Variants in ABCG1 observed in about 807,000 individuals in gnomAD.
ABCG1 encodes ATP-binding cassette sub-family G member 1.
In ABCG1, 29 loss-of-function variants were observed where a neutral mutation model predicts 69.2. The observed-to-expected ratio is 0.42, with a 90% CI of 0.31 to 0.57. ABCG1 has a LOEUF of 0.57. Ranked by LOEUF, ABCG1 falls within the 20% of genes least tolerant of loss-of-function variation. The pLI, the probability that ABCG1 is intolerant of heterozygous loss-of-function variation, is 0.15. For missense variants in ABCG1, 718 were observed against 898.1 expected (o/e 0.80, Z 2.56); for synonymous variants, 370 against 374.8 (o/e 0.99, Z 0.15).
chr21:42,257,803 C>T (rs991574636), intron 2 of ABCG1, among the ~76,000 whole-genome samples: 2 of 152,210 alleles, frequency 1.3e-5, no homozygotes, highest in Non-Finnish European at 2.9e-5. Context: ...CTAGAAAAGG[C>T]GTTCTTCAGG....
chr21:42,257,686 G>A (rs923006605), intron 2 of ABCG1, among the ~76,000 whole-genome samples: 1 of 152,190 alleles, frequency 6.6e-6, no homozygotes, highest in Non-Finnish European at 1.5e-5. Flanking sequence ...ATCAGAATGT[G>A]TTGAAATGTG....
At chr21:42,267,966 G>C (rs2068544672) in intron 2 of ABCG1, among the ~76,000 whole-genome samples, 1 of 151,956 alleles carries the variant, frequency 6.6e-6, no homozygotes. Flanking sequence ...TGGTCTGGCT[G>C]TTCTAGTCTG....
intron 2 of ABCG1, among the ~76,000 whole-genome samples, chr21:42,264,185 C>T (rs141127111): frequency 5.3e-5 from 8 of 152,264 alleles, no homozygotes; most frequent in East Asian, 3.9e-4. Context: ...TTCATTCCAG[C>T]GTTATCTCCT....
In ABCG1 at chr21:42,219,343, A is replaced by T. The variant is rs2067683759; in HGVS notation, c.42+39A>T. 1 of 1,588,464 alleles carries T rather than the reference A, an allele frequency of 6.3e-7. No homozygotes were observed. Among genetic ancestry groups the T allele is most frequent in the Non-Finnish European group, 8.5e-7 (1 of 1,171,676 alleles). On this transcript the variant is annotated intron_variant, in intron 1 of 14. Transcript: ENST00000398449. This position sits in a 1 kb window ranked among gnomAD's most constrained non-coding sequence, Gnocchi z 5.3. ...TCCTTCGTCCGCCGGGAACGGTTTT[A>T]TTTTCAAGGAGAGCAGGAAACACAC...
At chr21:42,213,529 G>A (rs1248376621), upstream of ABCG1, among the ~76,000 whole-genome samples, 1 of 152,232 alleles carries the variant, frequency 6.6e-6, no homozygotes, top group African/African-American at 2.4e-5. Flanking sequence ...TGGGGGCAGG[G>A]CCACCTGAAG....
chr21:42,291,214 A>G lies in ABCG1; in HGVS notation c.1494+22A>G. The G allele has an allele frequency of 6.3e-7, 1 of 1,583,856 alleles. No homozygotes were observed. The highest frequency in any genetic ancestry group is 8.7e-7 in the Non-Finnish European group (1 of 1,153,942). ...TCAGGTGTGTTAGCCAGGGGCTGGA[A>G]TTTGAAACGGGGGCAAGAGTTCTCC... is the stretch of plus-strand genomic sequence containing the variant. On this transcript the variant is annotated intron_variant, in intron 12 of 14. Transcript: ENST00000398449. The surrounding 1 kb of genome is among the most constrained non-coding windows in gnomAD (Gnocchi z 6.4).
intron 1 of ABCG1, among the ~76,000 whole-genome samples, chr21:42,200,632 G>T (rs1185723763): frequency 6.9e-6 from 1 of 144,134 alleles, no homozygotes; most frequent in East Asian, 2.0e-4. Flanking sequence ...TCCCTCTGTT[G>T]CACTGGAGTG....
At chr21:42,253,565 G>C (rs747077667) in intron 2 of ABCG1, among the ~76,000 whole-genome samples, 8 of 152,138 alleles carry the variant, frequency 5.3e-5, no homozygotes, top group African/African-American at 9.7e-5. Flanking sequence ...CCCTCCTAGA[G>C]AGCGAGGGTC....
intron 2 of ABCG1, among the ~76,000 whole-genome samples, chr21:42,258,425 C>T (rs1467127507): frequency 6.6e-6 from 1 of 151,488 alleles, no homozygotes; most frequent in Non-Finnish European, 1.5e-5. Flanking sequence ...ATATCCCCCC[C>T]ATCCCTCCCT....
At chr21:42,243,798 C>G (rs921290084) in intron 2 of ABCG1, among the ~76,000 whole-genome samples, 1 of 150,558 alleles carries the variant, frequency 6.6e-6, no homozygotes, top group Admixed American at 6.6e-5. Flanking sequence ...CTTCTGTAAG[C>G]CCTCTTTATC....
intron 4 of ABCG1, among the ~76,000 whole-genome samples, chr21:42,275,394 G>A (rs1307722674): frequency 1.3e-5 from 2 of 152,222 alleles, no homozygotes; most frequent in Non-Finnish European, 2.9e-5. Context: ...CAGATGGGGC[G>A]CAGAGGACCT....
chr21:42,203,602 TG>T (rs763263959), intron 2 of ABCG1, among the ~76,000 whole-genome samples: 3 of 152,256 alleles, frequency 2.0e-5, no homozygotes, highest in Non-Finnish European at 2.9e-5. Context: ...TCTGTTCCAT[TG>T]GTCTTTGCGT....
intron 2 of ABCG1, among the ~76,000 whole-genome samples, chr21:42,261,835 T>G (rs2068419814): frequency 6.6e-6 from 1 of 152,046 alleles, no homozygotes; most frequent in South Asian, 2.1e-4. Context: ...GCTATCAGAG[T>G]AACATTTGAC....
intron 11 of ABCG1, among the ~76,000 whole-genome samples, 168 bp from the exon 12 acceptor site, chr21:42,290,920 ACGGG>A (rs2069044990): frequency 6.6e-6 from 1 of 152,186 alleles, no homozygotes; most frequent in Non-Finnish European, 1.5e-5. Context: ...GGTTATGCAA[ACGGG>A]TGGCGTTTTT....
chr21:42,282,972 GT>G (rs1601440531), intron 6 of ABCG1, among the ~76,000 whole-genome samples: 1 of 152,166 alleles, frequency 6.6e-6, no homozygotes, highest in Non-Finnish European at 1.5e-5. Flanking sequence ...TGCCCTTTAT[GT>G]TTGGGGCTCC....
At chr21:42,289,932 C>A in intron 10 of ABCG1, 118 bp from the exon 11 acceptor site, 1 of 1,134,384 alleles carries the variant, frequency 8.8e-7, no homozygotes, top group Non-Finnish European at 1.3e-6. Context: ...AGGATAAAGT[C>A]TAAGACGTGC....
rs1418423049 is a variant in ABCG1 at position 42,288,904 on chromosome 21, A to G, written c.1224+592A>G. 6.6e-6 allele frequency among the ~76,000 whole-genome samples: 1 copy of G among 152,170 alleles called. No homozygotes were observed. Among genetic ancestry groups the G allele is most frequent in the African/African-American group, 2.4e-5 (1 of 41,422 alleles). The stretch of plus-strand genomic sequence containing the variant: ...CCGGGGAGCCCTCAGGAAACTTTCA[A>G]TCATGGTGGAAGGCAAAGTGGGATG... On this transcript the variant is annotated intron_variant, in intron 10 of 14. Transcript: ENST00000398449. This position sits in a 1 kb window ranked among gnomAD's most constrained non-coding sequence, Gnocchi z 4.8.
At chr21:42,227,675 T>C (rs987566137) in intron 2 of ABCG1, among the ~76,000 whole-genome samples, 8 of 152,226 alleles carry the variant, frequency 5.3e-5, no homozygotes, top group Admixed American at 5.2e-4. Context: ...TTTGTCCATT[T>C]TCACACTGCT....
chr21:42,227,498 A>G (rs2067836551), intron 2 of ABCG1, among the ~76,000 whole-genome samples: 1 of 152,230 alleles, frequency 6.6e-6, no homozygotes, highest in Non-Finnish European at 1.5e-5. Flanking sequence ...TCATGACAGT[A>G]GAAAATGCTG....
Sources: gnomAD v4.1 joint callset for allele counts (sites outside exome capture counted in the v4.1 genomes callset) on GRCh38, gnomAD v4.1.1 for gene constraint, Gnocchi (gnomAD v3.1) non-coding constraint, MANE v1.5 for transcripts, NCBI Gene and HGNC (gene_info 2026-07-23, HGNC 2026-07-21) for gene names.